Variants in IMMP2L observed in about 807,000 individuals in gnomAD.
IMMP2L encodes the protein inner mitochondrial membrane peptidase subunit 2, also known as mitochondrial inner membrane protease subunit 2.
IMMP2L carries 18 observed loss-of-function variants against 19.3 expected under a neutral mutation model. That is an observed-to-expected ratio of 0.93 (90% CI 0.64 to 1.38). The LOEUF (loss-of-function observed/expected upper bound fraction) is 1.38. Among genes scored for constraint, IMMP2L ranks in the 40% most tolerant of loss-of-function variants. The pLI, the probability that IMMP2L is intolerant of heterozygous loss-of-function variation, is 0.00. For missense variants in IMMP2L, 233 were observed against 218.2 expected, an observed-to-expected ratio of 1.07 and a Z score of -0.43; for synonymous variants, 76 against 73.0, an observed-to-expected ratio of 1.04 and a Z score of -0.21.
chr7:111,031,909 G>A (rs1005181193), intron 3 of IMMP2L, among the ~76,000 whole-genome samples: 1 of 149,586 alleles, frequency 6.7e-6, no homozygotes, highest in Non-Finnish European at 1.5e-5. Flanking sequence ...CTATAATGCC[G>A]CTATGACCAT....
At chr7:111,391,742 A>T in intron 3 of IMMP2L, 4 of 588,188 alleles carry the variant, frequency 6.8e-6, no homozygotes, top group Non-Finnish European at 1.2e-5. Context: ...GCCTTATACA[A>T]TCAGAAAAAT....
At chr7:110,767,499 A>G (rs548162377) in intron 5 of IMMP2L, among the ~76,000 whole-genome samples, 1 of 152,264 alleles carries the variant, frequency 6.6e-6, no homozygotes, top group South Asian at 2.1e-4. Flanking sequence ...GTCCTTTACC[A>G]AACTATTTGC....
chr7:111,358,138 T>G (rs1452205260), intron 3 of IMMP2L, among the ~76,000 whole-genome samples: 1 of 150,214 alleles, frequency 6.7e-6, no homozygotes, highest in Non-Finnish European at 1.5e-5. Flanking sequence ...CACTCTAGAA[T>G]GAACTATTTG....
intron 5 of IMMP2L, among the ~76,000 whole-genome samples, chr7:110,814,946 A>G (rs576830552): frequency 2.0e-5 from 3 of 152,096 alleles, no homozygotes; most frequent in African/African-American, 7.2e-5. Context: ...GTTTTCTTTT[A>G]GAAACAAAAT....
intron 3 of IMMP2L, among the ~76,000 whole-genome samples, chr7:111,304,045 T>A (rs1822559168): frequency 6.6e-6 from 1 of 152,136 alleles, no homozygotes; most frequent in South Asian, 2.1e-4. Flanking sequence ...AAAATGAATT[T>A]CCATATACTG....
intron 3 of IMMP2L, among the ~76,000 whole-genome samples, chr7:111,328,475 C>A (rs185452950): frequency 2.0e-5 from 3 of 151,568 alleles, no homozygotes; most frequent in Non-Finnish European, 4.4e-5. Context: ...TATTTCAGGG[C>A]CCACAAATTC....
At chr7:111,485,740 T>C (rs765546886) in intron 3 of IMMP2L, among the ~76,000 whole-genome samples, 12 of 151,750 alleles carry the variant, frequency 7.9e-5, no homozygotes, top group Non-Finnish European at 1.3e-4. Context: ...TATAAAATAG[T>C]AGTGTGCTCT....
At chr7:111,332,453 C>T (rs947601079) in intron 3 of IMMP2L, among the ~76,000 whole-genome samples, 5 of 151,818 alleles carry the variant, frequency 3.3e-5, no homozygotes, top group East Asian at 1.9e-4. Context: ...CACGTTTTAA[C>T]GCTAAAGCCA....
chr7:111,042,546 T>C (rs1791999757), intron 3 of IMMP2L, among the ~76,000 whole-genome samples: 1 of 152,174 alleles, frequency 6.6e-6, no homozygotes, highest in Admixed American at 6.5e-5. Context: ...GGCACTTGGA[T>C]AAACAACAAG....
intron 2 of IMMP2L, among the ~76,000 whole-genome samples, chr7:111,503,301 G>C (rs1012005222): frequency 2.9e-4 from 44 of 152,040 alleles, no homozygotes; most frequent in South Asian, 1.2e-3. Flanking sequence ...AGAACAATAA[G>C]AGGCTCTGAA....
chr7:111,309,099 G>T (rs960192949), intron 3 of IMMP2L, among the ~76,000 whole-genome samples: 10 of 152,098 alleles, frequency 6.6e-5, no homozygotes, highest in Non-Finnish European at 1.0e-4. Context: ...TTTTCAAATG[G>T]TTGTGAAATT....
At chr7:111,492,674 A>G (rs1843210379) in intron 2 of IMMP2L, among the ~76,000 whole-genome samples, 1 of 152,190 alleles carries the variant, frequency 6.6e-6, no homozygotes, top group Non-Finnish European at 1.5e-5. Context: ...TTCTAATTGT[A>G]ATTGTTAGAA....
chr7:111,436,577 T>C (rs368260886), intron 3 of IMMP2L, among the ~76,000 whole-genome samples: 1 of 151,734 alleles, frequency 6.6e-6, no homozygotes, highest in South Asian at 2.1e-4. Context: ...ACATTTTTTC[T>C]CATTATGTAA....
chr7:111,406,080 A>T (rs1037922122), intron 3 of IMMP2L, among the ~76,000 whole-genome samples: 5 of 152,130 alleles, frequency 3.3e-5, no homozygotes, highest in African/African-American at 4.8e-5. Flanking sequence ...GATATGAATG[A>T]CAACTTCTCT....
chr7:111,258,883 A>C (rs1163917274), intron 3 of IMMP2L, among the ~76,000 whole-genome samples: 1 of 151,988 alleles, frequency 6.6e-6, no homozygotes, highest in Non-Finnish European at 1.5e-5. Flanking sequence ...ATGACCACTA[A>C]ATGAGGAAAT....
chr7:111,315,639 C>T (rs560050624), intron 3 of IMMP2L, among the ~76,000 whole-genome samples: 3 of 151,990 alleles, frequency 2.0e-5, no homozygotes, highest in East Asian at 1.9e-4. Context: ...CATAGTAATA[C>T]CTTCCTCACC....
At chr7:110,817,022 G>T in intron 5 of IMMP2L, among the ~76,000 whole-genome samples, 1 of 152,206 alleles carries the variant, frequency 6.6e-6, no homozygotes, top group South Asian at 2.1e-4. Flanking sequence ...ATGTTAGCTG[G>T]TTATTTTGCT....
intron 3 of IMMP2L, among the ~76,000 whole-genome samples, chr7:110,965,882 T>C (rs1434004299): frequency 2.6e-5 from 4 of 152,066 alleles, no homozygotes; most frequent in Admixed American, 1.3e-4. Context: ...CATGCCTTTC[T>C]ATAACACAAT....
intron 3 of IMMP2L, among the ~76,000 whole-genome samples, chr7:111,367,018 G>A (rs951878746): frequency 6.6e-6 from 1 of 151,342 alleles, no homozygotes; most frequent in African/African-American, 2.4e-5. Flanking sequence ...AAAGCTTGAG[G>A]GGAAAAAAAG....
Sources: allele counts gnomAD v4.1 joint callset (sites outside exome capture counted in the v4.1 genomes callset), GRCh38; gene constraint gnomAD v4.1.1; transcripts MANE v1.5; gene names NCBI Gene and HGNC (gene_info 2026-07-23, HGNC 2026-07-21).